DCAF10: variants seen among roughly 807,000 people sequenced by gnomAD.
DCAF10 encodes DDB1 and CUL4 associated factor 10.
DCAF10 carries 19 observed loss-of-function variants against 51.9 expected under a neutral mutation model. That is an observed-to-expected ratio of 0.37 (90% CI 0.26 to 0.54). The LOEUF is 0.54. Among genes scored for constraint, DCAF10 ranks in the 20% least tolerant of loss-of-function variants. The pLI is 0.87. For missense variants in DCAF10, 510 were observed against 730.6 expected, an observed-to-expected ratio of 0.70 and a Z score of 3.48; for synonymous variants, 291 against 297.1, an observed-to-expected ratio of 0.98 and a Z score of 0.21.
At chr9:37,852,682 G>A (rs7856394) in intron 3 of DCAF10, among the ~76,000 whole-genome samples, 6,385 of 151,962 alleles carry the variant, frequency 0.042, 458 homozygotes, top group African/African-American at 0.15. Flanking sequence ...AGGCCAAGGC[G>A]GTGGATCACC....
intron 5 of DCAF10, 27 bp from the exon 6 acceptor site, chr9:37,860,021 C>G (rs201222345): frequency 6.2e-7 from 1 of 1,612,994 alleles, no homozygotes; most frequent in East Asian, 2.2e-5. Flanking sequence ...AATACAAATC[C>G]CACATCCTCA....
chr9:37,860,777 C>A (rs1403893879), intron 6 of DCAF10, among the ~76,000 whole-genome samples: 1 of 152,024 alleles, frequency 6.6e-6, no homozygotes, highest in Non-Finnish European at 1.5e-5. Flanking sequence ...AAGAGAAGAG[C>A]CTTTGAATTG....
Position 37,861,300 on chromosome 9 carries a change from A to G in DCAF10, c.1472A>G (p.His491Arg), listed in dbSNP as rs1831009532. 6.2e-7 allele frequency: 1 copy of G among 1,614,038 alleles called. No individual in the cohort carries two copies. Among genetic ancestry groups the G allele is most frequent in the Admixed American group, 1.7e-5 (1 of 60,006 alleles). The change falls in exon 7 of 7, where the codon CAT becomes CGT. Residue 491 changes from histidine to arginine, a missense_variant. Physicochemically the swap from His to Arg is conservative, Grantham distance 29 (BLOSUM62 0). Coordinates refer to ENST00000377724, the MANE Select transcript of DCAF10 (RefSeq NM_024345.5). The surrounding 1 kb of genome is among the most constrained non-coding windows in gnomAD (Gnocchi z 4.9). ...GATGGACGAATGATTTCTTCCCCAC[A>G]TGGCTATGGGATTCGCTTGTTGGGA... is the stretch of plus-strand genomic sequence containing the variant. Reference protein sequence around the residue: ...SPDGRMISSPHGYGIRLLGFD... With the variant: ...SPDGRMISSPRGYGIRLLGFD...
intron 3 of DCAF10, among the ~76,000 whole-genome samples, chr9:37,851,836 A>G (rs1003884309): frequency 2.0e-5 from 3 of 150,576 alleles, no homozygotes; most frequent in Admixed American, 2.0e-4. Context: ...GATATTGAAA[A>G]GTTACCCAGA....
At chr9:37,800,563 C>T (rs948581251), upstream of DCAF10, 1 of 1,534,830 alleles carries the variant, frequency 6.5e-7, no homozygotes, top group Non-Finnish European at 8.7e-7. Flanking sequence ...CACTCATCCC[C>T]AGGCACGCGG....
intron 1 of DCAF10, among the ~76,000 whole-genome samples, chr9:37,802,031 A>G (rs1828966499): frequency 6.6e-6 from 1 of 152,172 alleles, no homozygotes; most frequent in Non-Finnish European, 1.5e-5. Context: ...AATCGTATCT[A>G]TTTAAAACTT....
intron 1 of DCAF10, among the ~76,000 whole-genome samples, chr9:37,802,782 G>A (rs964026868): frequency 3.3e-5 from 5 of 152,182 alleles, no homozygotes; most frequent in Non-Finnish European, 5.9e-5. Flanking sequence ...CTGGTGAGAG[G>A]AGAAACTATT....
chr9:37,819,768 C>T (rs2119057243), intron 2 of DCAF10, among the ~76,000 whole-genome samples: 1 of 152,354 alleles, frequency 6.6e-6, no homozygotes, highest in Admixed American at 6.5e-5. Context: ...CACCCTACCA[C>T]TCTCTGCAGA....
chr9:37,824,300 A>G (rs1829790090), intron 2 of DCAF10, among the ~76,000 whole-genome samples: 1 of 152,208 alleles, frequency 6.6e-6, no homozygotes, highest in Non-Finnish European at 1.5e-5. Flanking sequence ...AATAGATTGT[A>G]TGCACGGGGG....
chr9:37,821,216 T>A (rs1357016518), intron 2 of DCAF10, among the ~76,000 whole-genome samples: 1 of 152,210 alleles, frequency 6.6e-6, no homozygotes, highest in Non-Finnish European at 1.5e-5. Flanking sequence ...GATCATTTGA[T>A]ATTAATACCC....
intron 3 of DCAF10, among the ~76,000 whole-genome samples, chr9:37,852,929 G>GTT (rs1830709918): frequency 2.6e-5 from 2 of 77,378 alleles, no homozygotes; most frequent in Non-Finnish European, 5.3e-5. Context: ...AGTATGTGAG[G>GTT]TTATATATAT....
intron 2 of DCAF10, among the ~76,000 whole-genome samples, chr9:37,837,781 G>A (rs1487996439): frequency 6.6e-6 from 1 of 151,564 alleles, no homozygotes; most frequent in Non-Finnish European, 1.5e-5. Context: ...AAACTGCATT[G>A]CCTGTTCTCT....
At chr9:37,816,646 C>T (rs975861624) in intron 1 of DCAF10, among the ~76,000 whole-genome samples, 3 of 125,826 alleles carry the variant, frequency 2.4e-5, no homozygotes, top group Non-Finnish European at 5.6e-5. Flanking sequence ...TCTCAATTAA[C>T]ATCTGCACCT....
At position 37,829,193 on chromosome 9, in the gene DCAF10, T is replaced by A. The variant is rs1589093502; in HGVS notation, c.653+9792T>A. Among the ~76,000 whole-genome samples, 1 of 152,208 alleles carries A rather than the reference T, an allele frequency of 6.6e-6. No individual in the cohort carries two copies. Among genetic ancestry groups the A allele is most frequent in the African/African-American group, 2.4e-5 (1 of 41,458 alleles). On this transcript the variant is annotated intron_variant, in intron 2 of 6. Transcript: ENST00000377724. This position sits in a 1 kb window ranked among gnomAD's most constrained non-coding sequence, Gnocchi z 4.2. ...CAGGCCGGGCACGGTGGCTCATGCC[T>A]GTAATTCCCGCACTTTTGGGTGGAT...
chr9:37,857,227 T>G lies in DCAF10; in HGVS notation c.1055-14T>G. 6.4e-7 allele frequency: 1 copy of G among 1,565,796 alleles called. No homozygotes were observed. Among genetic ancestry groups the G allele is most frequent in the Non-Finnish European group, 8.6e-7 (1 of 1,158,732 alleles). ...TATGCTAGGTTTATTGTCAGAATTT[T>G]TTATATTTTTAAGATTTGACCACTT... On this transcript the variant is annotated splice_polypyrimidine_tract_variant and intron_variant, in intron 4 of 6. Transcript: ENST00000377724.
At position 37,801,419 on chromosome 9, in the gene DCAF10, C is replaced by T; in HGVS notation, c.539+14C>T. On this transcript the variant is annotated intron_variant, in intron 1 of 6. Coordinates refer to ENST00000377724, the MANE Select transcript of DCAF10 (RefSeq NM_024345.5). This position sits in a 1 kb window ranked among gnomAD's most constrained non-coding sequence, Gnocchi z 5.5. The stretch of plus-strand genomic sequence containing the variant: ...CTCGCCCGACGGGTAAGCGCGGCCC[C>T]TCGGAGGGCGGGCGCCCGCCTCCGC... The T allele has an allele frequency of 1.4e-6, 2 of 1,442,852 alleles. No individual in the cohort carries two copies. The highest frequency in any genetic ancestry group is 2.8e-5 in the East Asian group (1 of 35,374). 89.4% of individuals were successfully genotyped at this position (1,442,852 alleles called of 1,614,324 possible). A position where few individuals can be genotyped will look rare whatever the true frequency, so the allele number is the denominator to read the frequency against.
chr9:37,802,197 T>G (rs561593488), intron 1 of DCAF10, among the ~76,000 whole-genome samples: 1 of 152,350 alleles, frequency 6.6e-6, no homozygotes, highest in Admixed American at 6.5e-5. Context: ...TCGGCGTATA[T>G]TTGTTGAGCA....
chr9:37,840,763 C>T (rs1589103583), intron 2 of DCAF10, among the ~76,000 whole-genome samples: 1 of 152,192 alleles, frequency 6.6e-6, no homozygotes, highest in African/African-American at 2.4e-5. Context: ...CTGACTCACC[C>T]CTCACTCACT....
chr9:37,808,739 TA>T (rs376677444), intron 1 of DCAF10, among the ~76,000 whole-genome samples: 11 of 72 alleles, frequency 0.15, no homozygotes, highest in Non-Finnish European at 0.21. Context: ...TAAAAATATA[TA>T]AAAATACATA....
Sources: allele counts gnomAD v4.1 joint callset (sites outside exome capture counted in the v4.1 genomes callset), GRCh38; gene constraint gnomAD v4.1.1; non-coding constraint Gnocchi (gnomAD v3.1); transcripts MANE v1.5; gene names NCBI Gene and HGNC (gene_info 2026-07-23, HGNC 2026-07-21).